The following AKAP9 variants were observed in gnomAD, a reference collection of about 807,000 sequenced individuals.
The protein encoded by AKAP9 is A-kinase anchor protein 9.
A neutral mutation model predicts 488.5 loss-of-function variants in AKAP9; 311 were observed. That is an observed-to-expected ratio of 0.64 (90% CI 0.58 to 0.70). The LOEUF (loss-of-function observed/expected upper bound fraction) is 0.70, where lower values mean the gene tolerates loss of function less well. AKAP9 is among the 30% of genes least tolerant of loss of function. The pLI is 0.00. For synonymous variants in AKAP9, 1,462 were observed against 1,483.5 expected (o/e 0.99, Z 0.33); for missense variants, 4,215 against 4,374.5 (o/e 0.96, Z 1.03).
At chr7:91,970,247 G>T (rs1353513072) in intron 1 of AKAP9, among the ~76,000 whole-genome samples, 2 of 151,834 alleles carry the variant, frequency 1.3e-5, no homozygotes, top group African/African-American at 4.8e-5. Context: ...ACTTTACTTT[G>T]TCTCAATTTA....
intron 2 of AKAP9, among the ~76,000 whole-genome samples, chr7:91,977,221 G>A (rs1183714595): frequency 6.6e-6 from 1 of 151,974 alleles, no homozygotes; most frequent in Non-Finnish European, 1.5e-5. Flanking sequence ...GATCACACCA[G>A]TGCACTCCAG....
chr7:92,001,121 G>A lies in AKAP9; in HGVS notation c.1204G>A (p.Glu402Lys), dbSNP rs146022334. 78 of 1,613,790 alleles carry A rather than the reference G, an allele frequency of 4.8e-5. No homozygotes were observed. In the African/African-American group the frequency reaches 7.6e-4, roughly 16 times the overall value. ...AATAAAACAGTTAATGGGGACAGTC[G>A]AAGAACTTCAGAAGAGAAATCATAA... The part of the protein sequence containing the change: ...EEIKQLMGTV[E>K]ELQKRNHKDS... The change falls in exon 8 of 50, where the codon GAA (glutamate) becomes AAA (lysine). Residue 402 changes from glutamate to lysine, a missense_variant. Transcript: ENST00000356239.
chr7:91,995,879 G>T, intron 7 of AKAP9, 79 bp downstream of exon 7: 1 of 1,035,404 alleles, frequency 9.7e-7, no homozygotes, highest in Non-Finnish European at 1.4e-6. Context: ...GTTTTTTTTT[G>T]TTAGGCACAT....
At chr7:92,038,194 T>C (rs1376748359) in intron 16 of AKAP9, among the ~76,000 whole-genome samples, 6 of 152,216 alleles carry the variant, frequency 3.9e-5, no homozygotes, top group Non-Finnish European at 8.8e-5. Flanking sequence ...GAAAACATTT[T>C]ACTTTTTATT....
In AKAP9 at chr7:91,942,643, AT is replaced by A. The variant is rs1790917562; in HGVS notation, c.48+1497del. The stretch of plus-strand genomic sequence containing the variant: ...GCCCCCAGAAATGTCTTTCCTGAAT[AT>A]ATGTGAAGCAGTCCTACAAAACATG... On this transcript the variant is annotated intron_variant, in intron 1 of 49. Transcript: ENST00000356239. Among the ~76,000 whole-genome samples the A allele has an allele frequency of 2.6e-5, 4 of 152,332 alleles. 1 individual carries two copies.
intron 8 of AKAP9, among the ~76,000 whole-genome samples, chr7:92,003,617 T>C (rs543470139): frequency 6.6e-6 from 1 of 152,210 alleles, no homozygotes; most frequent in South Asian, 2.1e-4. Flanking sequence ...TTCATAGTGA[T>C]GTTTTCAAGT....
At position 92,062,292 on chromosome 7, in the gene AKAP9, C is replaced by T. The variant is rs373011242; in HGVS notation, c.5783C>T (p.Ala1928Val). ...SKAEGVIDGY[A>V]DEKTLFERQI... is the part of the protein sequence containing the mutation. Reference sequence around the variant, plus strand: ...ATTATAGGCGTCATTGATGGCTATGCAGATGAAAAAACTCTTTTTGAAAGG... The same window carrying T: ...ATTATAGGCGTCATTGATGGCTATGTAGATGAAAAAACTCTTTTTGAAAGG... The change falls in exon 24 of 50, where the codon GCA becomes GTA. Residue 1928 changes from alanine (A) to valine (V), a missense_variant. Ala to Val is a moderately conservative substitution (Grantham distance 64). This residue lies in a region of AKAP9 where 2,361 missense variants were observed against 2,430.0 expected (regional missense o/e 0.97). Transcript: ENST00000356239. The T allele has an allele frequency of 1.9e-6, 3 of 1,612,860 alleles. No individual in the cohort carries two copies. In the South Asian group the frequency reaches 3.3e-5, roughly 18 times the overall value.
intron 5 of AKAP9, 139 bp downstream of exon 5, chr7:91,993,194 C>A: frequency 1.5e-6 from 1 of 665,260 alleles, no homozygotes; most frequent in Non-Finnish European, 2.2e-6. Context: ...TCTTCTTCTT[C>A]TTTTTTTTTT....
intron 7 of AKAP9, among the ~76,000 whole-genome samples, chr7:91,999,222 G>A (rs1280214438): frequency 6.6e-6 from 1 of 152,092 alleles, no homozygotes; most frequent in Admixed American, 6.6e-5. Context: ...AGTTAACGAG[G>A]CTAATTTTTT....
intron 8 of AKAP9, among the ~76,000 whole-genome samples, chr7:92,011,047 A>T (rs987004580): frequency 2.0e-5 from 3 of 152,200 alleles, no homozygotes; most frequent in African/African-American, 7.2e-5. Flanking sequence ...ATAGAAGGGA[A>T]ATTTCTTAAC....
chr7:91,982,169 A>G (rs1796510688), intron 3 of AKAP9, among the ~76,000 whole-genome samples: 1 of 119,578 alleles, frequency 8.4e-6, no homozygotes, highest in Admixed American at 7.7e-5. Context: ...TTACGTACGT[A>G]TGTATGTATG....
chr7:92,034,480 CTATA>C (rs201647585), intron 16 of AKAP9, among the ~76,000 whole-genome samples: 9 of 109,874 alleles, frequency 8.2e-5, no homozygotes, highest in South Asian at 3.0e-4. Flanking sequence ...GTGTATATAT[CTATA>C]TATATATATA....
intron 14 of AKAP9, among the ~76,000 whole-genome samples, 177 bp from the exon 15 acceptor site, chr7:92,029,718 T>G (rs1304132476): frequency 6.6e-6 from 1 of 152,238 alleles, no homozygotes; most frequent in African/African-American, 2.4e-5. Flanking sequence ...TATTCAATTG[T>G]GTTCTTTTAA....
chr7:92,110,290 T>A lies in AKAP9; in HGVS notation c.*131T>A. The stretch of plus-strand genomic sequence containing the variant: ...AACACAGCTTATGATTGTATACAAA[T>A]CCCTTGCCAGCACATGAAAACAAAC... On this transcript the variant is annotated 3_prime_UTR_variant, in exon 50 of 50. Coordinates refer to ENST00000356239, the MANE Select transcript of AKAP9 (RefSeq NM_005751.5). 1 of 750,980 alleles carries A rather than the reference T, an allele frequency of 1.3e-6. No homozygotes were observed. The highest frequency in any genetic ancestry group is 2.2e-6 in the Non-Finnish European group (1 of 446,730). 46.5% of individuals were successfully genotyped at this position (750,980 alleles called of 1,614,324 possible).
chr7:92,000,957 A>G lies in AKAP9; in HGVS notation c.1040A>G (p.Glu347Gly). 1 of 1,521,184 alleles carries G rather than the reference A, an allele frequency of 6.6e-7. No homozygotes were observed. Among genetic ancestry groups the G allele is most frequent in the Non-Finnish European group, 8.8e-7 (1 of 1,130,822 alleles). 94.2% of individuals were successfully genotyped at this position (1,521,184 alleles called of 1,614,324 possible). ...KIIEEEKKTL[E>G]LKDKLTTADK... The stretch of plus-strand genomic sequence containing the variant: ...ATAGAAGAAGAAAAGAAAACTCTTG[A>G]GCTAAAGGATAAATTAACAACTGCT... Residue 347 changes from glutamate to glycine, a missense_variant, in exon 8 of 50, where the codon GAG (glutamate) becomes GGG (glycine). Around this residue, in one of 5 missense-constraint regions of AKAP9, gnomAD observed 2,361 missense variants for 2,430.0 expected, o/e 0.97. Transcript: ENST00000356239.
chr7:92,025,284 T>G (rs1195973187), intron 14 of AKAP9, among the ~76,000 whole-genome samples: 2 of 152,218 alleles, frequency 1.3e-5, no homozygotes, highest in Non-Finnish European at 2.9e-5. Context: ...ACATTGTTAT[T>G]CCTGCATTTG....
At chr7:92,069,968 C>T in intron 26 of AKAP9, 62 bp from the exon 27 acceptor site, 3 of 1,451,296 alleles carry the variant, frequency 2.1e-6, no homozygotes, top group Middle Eastern at 2.3e-4. Flanking sequence ...GATAACTCAA[C>T]CTATACTAAC....
intron 20 of AKAP9, among the ~76,000 whole-genome samples, chr7:92,044,477 A>G (rs1407720305): frequency 6.6e-6 from 1 of 152,230 alleles, no homozygotes; most frequent in African/African-American, 2.4e-5. Flanking sequence ...TAATTTAAAC[A>G]TTCAGCTCAT....
At chr7:92,100,070 T>C in intron 44 of AKAP9, 1 of 512,442 alleles carries the variant, frequency 2.0e-6, no homozygotes, top group South Asian at 2.1e-5. Context: ...AAACCATCTC[T>C]GTACTCGACT....
Sources: allele counts gnomAD v4.1 joint callset (sites outside exome capture counted in the v4.1 genomes callset), GRCh38; gene constraint gnomAD v4.1.1; regional missense constraint gnomAD v4.1.1; transcripts MANE v1.5; gene names NCBI Gene and HGNC (gene_info 2026-07-23, HGNC 2026-07-21).